NWD2: variants seen among roughly 807,000 people sequenced by gnomAD.
The protein encoded by NWD2 is NACHT and WD repeat domain-containing protein 2.
In NWD2, 37 loss-of-function variants were observed where a neutral mutation model predicts 132.7. The observed-to-expected ratio is 0.28, with a 90% CI of 0.21 to 0.37. The LOEUF (loss-of-function observed/expected upper bound fraction) is 0.37, where lower values mean the gene tolerates loss of function less well. NWD2 is among the 10% of genes least tolerant of loss of function. The pLI is 1.00. For missense variants in NWD2, 1,592 were observed against 2,122.4 expected (o/e 0.75, Z 4.91); for synonymous variants, 705 against 803.0 (o/e 0.88, Z 2.06).
chr4:37,443,659 G>A lies in NWD2; in HGVS notation c.1671G>A (p.Arg557=), dbSNP rs777307279. The stretch of plus-strand genomic sequence containing the variant: ...AACATGGGATCTTGCAGAAACTAAG[G>A]TGCCTTATCCATGAAGAAGACAACT... ...PNKHGILQKL[R]CLIHEEDNYI... The change falls in exon 7 of 7, where the codon AGG becomes AGA. Residue 557 remains arginine (R), a synonymous_variant. Coordinates refer to ENST00000309447, the MANE Select transcript of NWD2 (RefSeq NM_001144990.2). This position sits in a 1 kb window ranked among gnomAD's most constrained non-coding sequence, Gnocchi z 4.1. 2.6e-6 allele frequency: 4 copies of A among 1,552,054 alleles called. No individual in the cohort carries two copies. The highest frequency in any genetic ancestry group is 1.2e-5 in the South Asian group (1 of 84,040).
At chr4:37,335,302 G>GGC (rs1553893933) in intron 2 of NWD2, among the ~76,000 whole-genome samples, 1 of 12,642 alleles carries the variant, frequency 7.9e-5, no homozygotes, top group Non-Finnish European at 2.8e-4. Context: ...GGGGTGGGCG[G>GGC]GGGGGGGGGG....
At chr4:37,371,016 A>G (rs1360632584) in intron 3 of NWD2, among the ~76,000 whole-genome samples, 1 of 151,790 alleles carries the variant, frequency 6.6e-6, no homozygotes, top group African/African-American at 2.4e-5. Context: ...GGAGTAAACC[A>G]GGAGGTTAAA....
chr4:37,443,821 G>A lies in NWD2; in HGVS notation c.1833G>A (p.Met611Ile). ...NNALSKCTLP[M>I]FVNLTFREVR... is the part of the protein sequence containing the mutation. ...CATTATCCAAGTGCACACTGCCAAT[G>A]TTTGTGAACCTGACCTTCAGGGAGG... The change falls in exon 7 of 7, where the codon ATG (methionine) becomes ATA (isoleucine). Residue 611 changes from methionine (M) to isoleucine (I), a missense_variant. By Grantham distance (10) the Met-to-Ile change is conservative. Coordinates refer to ENST00000309447, the MANE Select transcript of NWD2 (RefSeq NM_001144990.2). The surrounding 1 kb of genome is among the most constrained non-coding windows in gnomAD (Gnocchi z 4.1). 3 of 1,552,174 alleles carry A rather than the reference G, an allele frequency of 1.9e-6. No homozygotes were observed. The highest frequency in any genetic ancestry group is 2.6e-6 in the Non-Finnish European group (3 of 1,147,102).
At position 37,344,239 on chromosome 4, in the gene NWD2, G is replaced by A. The variant is rs141279588; in HGVS notation, c.241-12127G>A. Among the ~76,000 whole-genome samples the A allele has an allele frequency of 4.0e-3, 610 of 152,250 alleles. 2 individuals are homozygous for A. The highest frequency in any genetic ancestry group is 0.014 in the African/African-American group (583 of 41,568). On this transcript the variant is annotated intron_variant, in intron 2 of 6. Transcript: ENST00000309447. ...GTGTTTTTTGCCAGTTATTGATCAT[G>A]CGGATATATGGCATAGCTGTCTGCC...
intron 1 of NWD2, among the ~76,000 whole-genome samples, chr4:37,286,897 C>G (rs1278799854): frequency 6.6e-6 from 1 of 151,974 alleles, no homozygotes; most frequent in Non-Finnish European, 1.5e-5. Context: ...CGACTAGAAA[C>G]AGTGGCAATC....
chr4:37,316,573 C>T (rs1026350321), intron 1 of NWD2, among the ~76,000 whole-genome samples: 1 of 151,932 alleles, frequency 6.6e-6, no homozygotes, highest in African/African-American at 2.4e-5. Context: ...CTTCCTTTCC[C>T]TTTATCTTCT....
At chr4:37,259,889 TC>T (rs1225550088) in intron 1 of NWD2, among the ~76,000 whole-genome samples, 5 of 152,216 alleles carry the variant, frequency 3.3e-5, no homozygotes, top group African/African-American at 1.2e-4. Context: ...AGATGAGATT[TC>T]CGTGAAACTA....
At chr4:37,328,739 G>T (rs958414887) in intron 2 of NWD2, among the ~76,000 whole-genome samples, 3 of 152,078 alleles carry the variant, frequency 2.0e-5, no homozygotes, top group South Asian at 4.1e-4. Flanking sequence ...GAAAATTCCA[G>T]AAACCAGAAC....
intron 1 of NWD2, among the ~76,000 whole-genome samples, chr4:37,309,759 T>C (rs2109280194): frequency 6.6e-6 from 1 of 152,280 alleles, no homozygotes; most frequent in African/African-American, 2.4e-5. Context: ...GCCTCTTGGC[T>C]TTGAGTCAAT....
intron 3 of NWD2, among the ~76,000 whole-genome samples, chr4:37,411,842 A>G (rs1450410215): frequency 1.3e-5 from 2 of 152,236 alleles, no homozygotes; most frequent in Non-Finnish European, 2.9e-5. Flanking sequence ...ATGTGAATCA[A>G]TAAACATAAT....
intron 2 of NWD2, among the ~76,000 whole-genome samples, chr4:37,326,566 A>G (rs1719177066): frequency 6.6e-6 from 1 of 152,214 alleles, no homozygotes; most frequent in African/African-American, 2.4e-5. Context: ...TCATTGCTAA[A>G]GTTCATGAAC....
intron 3 of NWD2, among the ~76,000 whole-genome samples, chr4:37,356,750 T>G (rs760818007): frequency 1.3e-5 from 2 of 152,206 alleles, no homozygotes; most frequent in Non-Finnish European, 2.9e-5. Flanking sequence ...CTACAACACC[T>G]TGTGATCAAC....
intron 1 of NWD2, among the ~76,000 whole-genome samples, chr4:37,263,727 G>A (rs1473277882): frequency 1.3e-5 from 2 of 152,060 alleles, no homozygotes; most frequent in Admixed American, 6.6e-5. Context: ...AGGGAGGGGA[G>A]GAGAAGAATA....
At position 37,328,407 on chromosome 4, in the gene NWD2, C is replaced by T. The variant is rs540724382; in HGVS notation, c.240+2383C>T. The stretch of plus-strand genomic sequence containing the variant: ...CTATCACTCCCCTAGCCCCCCACCC[C>T]CAGCAGGCCCCAGTGTGTGATGTTC... On this transcript the variant is annotated intron_variant, in intron 2 of 6. Coordinates refer to ENST00000309447, the MANE Select transcript of NWD2 (RefSeq NM_001144990.2). Among the ~76,000 whole-genome samples the T allele has an allele frequency of 3.3e-5, 5 of 152,126 alleles. No individual in the cohort carries two copies. The South Asian group carries it at 1.0e-3, about 32-fold the overall frequency.
At chr4:37,314,676 A>G (rs765638951) in intron 1 of NWD2, among the ~76,000 whole-genome samples, 1 of 152,076 alleles carries the variant, frequency 6.6e-6, no homozygotes, top group Admixed American at 6.6e-5. Context: ...GTCTTGGTCA[A>G]CCTAGCTGAC....
chr4:37,297,145 C>T (rs1718511768), intron 1 of NWD2, among the ~76,000 whole-genome samples: 1 of 151,978 alleles, frequency 6.6e-6, no homozygotes, highest in Non-Finnish European at 1.5e-5. Flanking sequence ...CCCTCTGTAT[C>T]CATGGGGGAT....
At chr4:37,431,068 A>G (rs1712165413) in intron 4 of NWD2, among the ~76,000 whole-genome samples, 1 of 152,310 alleles carries the variant, frequency 6.6e-6, no homozygotes, top group South Asian at 2.1e-4. Flanking sequence ...TGTTGGTGGG[A>G]CTGTACATTC....
intron 3 of NWD2, among the ~76,000 whole-genome samples, chr4:37,412,824 C>A (rs984981058): frequency 6.6e-6 from 1 of 152,174 alleles, no homozygotes; most frequent in African/African-American, 2.4e-5. Context: ...AGAAATAACA[C>A]CACACATCTA....
chr4:37,384,770 T>C (rs954381703), intron 3 of NWD2, among the ~76,000 whole-genome samples: 2 of 152,228 alleles, frequency 1.3e-5, no homozygotes, highest in Admixed American at 6.5e-5. Context: ...GCCTCCATTC[T>C]GACTGCTTTC....
Sources: gnomAD v4.1 joint callset for allele counts (sites outside exome capture counted in the v4.1 genomes callset) on GRCh38, gnomAD v4.1.1 for gene constraint, Gnocchi (gnomAD v3.1) non-coding constraint, MANE v1.5 for transcripts, NCBI Gene and HGNC (gene_info 2026-07-23, HGNC 2026-07-21) for gene names.